The following PXDNL variants were observed in gnomAD, a reference collection of about 807,000 sequenced individuals.
The protein encoded by PXDNL is probable oxidoreductase PXDNL.
PXDNL carries 145 observed loss-of-function variants against 150.8 expected under a neutral mutation model. That is an observed-to-expected ratio of 0.96 (90% CI 0.84 to 1.10). PXDNL has a LOEUF of 1.10. PXDNL is among the 50% of genes least tolerant of loss of function. The probability of loss-of-function intolerance (pLI) is 0.00; values close to 1 mark genes in which losing one functional copy is unlikely to be tolerated. For missense variants in PXDNL, 2,087 were observed against 1,873.9 expected (o/e 1.11, Z -2.10); for synonymous variants, 757 against 725.7 (o/e 1.04, Z -0.69).
intron 15 of PXDNL, among the ~76,000 whole-genome samples, 156 bp from the exon 16 acceptor site, chr8:51,411,563 C>A (rs977291941): frequency 6.6e-6 from 1 of 152,166 alleles, no homozygotes; most frequent in Non-Finnish European, 1.5e-5. Flanking sequence ...GCTGTGGGTT[C>A]TTTTCCTATT....
intron 17 of PXDNL, among the ~76,000 whole-genome samples, chr8:51,402,844 C>T (rs983607673): frequency 2.6e-5 from 4 of 151,708 alleles, no homozygotes; most frequent in Non-Finnish European, 5.9e-5. Flanking sequence ...GGGTGGATCA[C>T]GAGGTCAGGA....
At chr8:51,733,812 A>AATGT (rs1491121095) in intron 1 of PXDNL, among the ~76,000 whole-genome samples, 1 of 138,398 alleles carries the variant, frequency 7.2e-6, no homozygotes, top group Non-Finnish European at 1.5e-5. Flanking sequence ...TGTCTCAAAT[A>AATGT]ATATATATAT....
At chr8:51,360,147 G>A (rs189742223) in intron 19 of PXDNL, among the ~76,000 whole-genome samples, 78 of 151,350 alleles carry the variant, frequency 5.2e-4, no homozygotes, top group Admixed American at 3.1e-3. Context: ...TCCCAGACAC[G>A]TATATACCTA....
At chr8:51,619,491 T>C (rs1014400167) in intron 2 of PXDNL, among the ~76,000 whole-genome samples, 1 of 152,154 alleles carries the variant, frequency 6.6e-6, no homozygotes, top group African/African-American at 2.4e-5. Context: ...TAATTCCCAA[T>C]GTTGGAGGTG....
chr8:51,617,280 G>C (rs1279748409), intron 2 of PXDNL, among the ~76,000 whole-genome samples: 1 of 152,160 alleles, frequency 6.6e-6, no homozygotes, highest in Non-Finnish European at 1.5e-5. Flanking sequence ...GACATTAAAA[G>C]ACAGCATTTG....
At chr8:51,785,777 A>T (rs2037455504) in intron 1 of PXDNL, among the ~76,000 whole-genome samples, 1 of 152,194 alleles carries the variant, frequency 6.6e-6, no homozygotes, top group Non-Finnish European at 1.5e-5. Context: ...ACAGTATTGA[A>T]ATTAGACCAA....
At chr8:51,382,127 G>A (rs113258949) in intron 17 of PXDNL, among the ~76,000 whole-genome samples, 6,052 of 152,072 alleles carry the variant, frequency 0.04, 181 homozygotes, top group South Asian at 0.079. Context: ...GTGAGCCACC[G>A]CTCCGGGCCA....
chr8:51,361,398 T>C (rs1157560391), intron 19 of PXDNL, among the ~76,000 whole-genome samples: 1 of 152,174 alleles, frequency 6.6e-6, no homozygotes, highest in Non-Finnish European at 1.5e-5. Context: ...TTTTCTCTTT[T>C]TGGTTGCTCA....
chr8:51,361,076 G>A (rs1302053647), intron 19 of PXDNL, among the ~76,000 whole-genome samples: 1 of 152,206 alleles, frequency 6.6e-6, no homozygotes, highest in Non-Finnish European at 1.5e-5. Flanking sequence ...GCCCACTGTG[G>A]CCACTGCTTT....
At chr8:51,677,918 G>T (rs867906902) in intron 1 of PXDNL, among the ~76,000 whole-genome samples, 5 of 152,144 alleles carry the variant, frequency 3.3e-5, no homozygotes, top group Admixed American at 6.5e-5. Context: ...CTGCTAGAAG[G>T]AACAGGGCCT....
chr8:51,339,578 T>C, intron 21 of PXDNL, 46 bp downstream of exon 21: 5 of 1,577,682 alleles, frequency 3.2e-6, no homozygotes, highest in Non-Finnish European at 4.3e-6. Flanking sequence ...TGTTTAGTTA[T>C]TCCAACGCAT....
At chr8:51,757,022 G>A (rs1182891984) in intron 1 of PXDNL, among the ~76,000 whole-genome samples, 1 of 151,852 alleles carries the variant, frequency 6.6e-6, no homozygotes, top group Non-Finnish European at 1.5e-5. Flanking sequence ...TAATTGTTTT[G>A]CTATTTGTTC....
intron 12 of PXDNL, among the ~76,000 whole-genome samples, chr8:51,429,504 TGGGGAGGTGGA>T (rs1809198369): frequency 6.6e-6 from 1 of 151,836 alleles, no homozygotes; most frequent in Non-Finnish European, 1.5e-5. Context: ...TTGCTTGAAC[TGGGGAGGTGGA>T]GGTTGCGGTG....
In PXDNL at chr8:51,408,376, T is replaced by C; in HGVS notation, c.3248A>G (p.Lys1083Arg). 1 of 1,613,996 alleles carries C rather than the reference T, an allele frequency of 6.2e-7. No homozygotes were observed. ...EISEGHLPFH[K>R]ALFSPSRIIK... Reference sequence around the variant, plus strand: ...TATTCTGGACGGTGAAAAGAGCGCTTTATGGAACGGAAGGTGGCCTTCGGA... The same window carrying C: ...TATTCTGGACGGTGAAAAGAGCGCTCTATGGAACGGAAGGTGGCCTTCGGA... Residue 1083 changes from lysine to arginine, a missense_variant, in exon 17 of 23, where the codon AAA becomes AGA. Physicochemically the swap from Lys to Arg is conservative, Grantham distance 26 (BLOSUM62 2). Transcript: ENST00000356297.
intron 4 of PXDNL, among the ~76,000 whole-genome samples, chr8:51,500,190 T>C (rs1811152416): frequency 6.6e-6 from 1 of 152,374 alleles, no homozygotes; most frequent in Admixed American, 6.5e-5. Flanking sequence ...AGAAGTGTCC[T>C]GTCTGACGGA....
chr8:51,799,271 A>T (rs1229257636), intron 1 of PXDNL, among the ~76,000 whole-genome samples: 3 of 152,300 alleles, frequency 2.0e-5, no homozygotes, highest in Middle Eastern at 3.4e-3. Context: ...CAGGATAAAC[A>T]GCTAATGCAC....
chr8:51,380,909 A>G (rs1423518166), intron 17 of PXDNL, among the ~76,000 whole-genome samples: 1 of 152,106 alleles, frequency 6.6e-6, no homozygotes, highest in Non-Finnish European at 1.5e-5. Context: ...TTTCTTTTTA[A>G]TCGGCTTATG....
intron 13 of PXDNL, among the ~76,000 whole-genome samples, chr8:51,424,236 G>T (rs1809031000): frequency 2.0e-5 from 3 of 152,058 alleles, no homozygotes; most frequent in Non-Finnish European, 2.9e-5. Context: ...AGGCATGGTA[G>T]TGTGTGCCTG....
At position 51,409,510 on chromosome 8, in the gene PXDNL, T is replaced by C. The variant is rs1808563928; in HGVS notation, c.2114A>G (p.Asn705Ser). The C allele has an allele frequency of 1.2e-6, 2 of 1,610,524 alleles. No homozygotes were observed. The highest frequency in any genetic ancestry group is 1.7e-6 in the Non-Finnish European group (2 of 1,178,978). ...CCTGCGAGCTGTGCATCCAGATAAA[T>C]TGGCGATGAGGCTGAGGGAGCGCGG... ...VSPRSLSLIA[N>S]LSGCTARRPL... Residue 705 changes from asparagine to serine, a missense_variant, in exon 17 of 23, where the codon AAT (asparagine) becomes AGT (serine). Transcript: ENST00000356297.
Sources: allele counts gnomAD v4.1 joint callset (sites outside exome capture counted in the v4.1 genomes callset), GRCh38; gene constraint gnomAD v4.1.1; transcripts MANE v1.5; gene names NCBI Gene and HGNC (gene_info 2026-07-23, HGNC 2026-07-21).